Variants in KATNIP observed in about 807,000 individuals in gnomAD.
KATNIP encodes the protein katanin-interacting protein.
A neutral mutation model predicts 174.0 loss-of-function variants in KATNIP; 126 were observed. The observed-to-expected ratio is 0.72, with a 90% CI of 0.63 to 0.84. The LOEUF is 0.84. Ranked by LOEUF, KATNIP falls within the 40% of genes least tolerant of loss-of-function variation. The pLI is 0.00. For synonymous variants in KATNIP, 810 were observed against 835.7 expected, an observed-to-expected ratio of 0.97 and a Z score of 0.53; for missense variants, 1,958 against 2,109.7, an observed-to-expected ratio of 0.93 and a Z score of 1.41.
chr16:27,771,878 C>A (rs986187910), intron 22 of KATNIP, among the ~76,000 whole-genome samples: 4 of 152,172 alleles, frequency 2.6e-5, no homozygotes, highest in Non-Finnish European at 5.9e-5. Context: ...GGGGCAGCAC[C>A]CAGGACTCCA....
intron 1 of KATNIP, among the ~76,000 whole-genome samples, chr16:27,561,567 T>C (rs992268636): frequency 2.6e-5 from 4 of 152,116 alleles, no homozygotes; most frequent in Non-Finnish European, 5.9e-5. Context: ...AACATGTCCT[T>C]TGGGGAGAGG....
intron 2 of KATNIP, among the ~76,000 whole-genome samples, chr16:27,585,177 T>TG (rs1397582231): frequency 1.3e-5 from 2 of 152,148 alleles, no homozygotes; most frequent in Non-Finnish European, 2.9e-5. Flanking sequence ...TGCAATTAAC[T>TG]ACAGCCAGAT....
intron 6 of KATNIP, among the ~76,000 whole-genome samples, chr16:27,673,526 C>T (rs977018222): frequency 1.4e-4 from 21 of 152,276 alleles, no homozygotes; most frequent in African/African-American, 3.6e-4. Flanking sequence ...GTGGTGAACC[C>T]GCACTTGCTT....
At chr16:27,646,767 A>G (rs774881522) in intron 5 of KATNIP, among the ~76,000 whole-genome samples, 8 of 152,208 alleles carry the variant, frequency 5.3e-5, no homozygotes, top group Non-Finnish European at 1.2e-4. Context: ...AGTGGCTTCA[A>G]CAGCATGAAA....
Position 27,777,018 on chromosome 16 carries a change from A to G in KATNIP, c.4540A>G (p.Lys1514Glu). 1 of 1,608,906 alleles carries G rather than the reference A, an allele frequency of 6.2e-7. No individual in the cohort carries two copies. The highest frequency in any genetic ancestry group is 1.7e-5 in the Admixed American group (1 of 60,000). The change falls in exon 25 of 28, where the codon AAG (lysine) becomes GAG (glutamate). Residue 1514 changes from lysine (K) to glutamate (E), a missense_variant. Around this residue, in one of 3 missense-constraint regions of KATNIP, gnomAD observed 383 missense variants for 456.0 expected, o/e 0.84. Coordinates refer to ENST00000261588, the MANE Select transcript of KATNIP (RefSeq NM_015202.5). The surrounding 1 kb of genome is among the most constrained non-coding windows in gnomAD (Gnocchi z 4.4). ...TGCGAAAACACCCCATCGAGGGGTG[A>G]AGGAGTTTGGCGTAAGTACTTATTA... The part of the protein sequence containing the change: ...NYAKTPHRGV[K>E]EFGLLVDDLL...
intron 14 of KATNIP, 41 bp from the exon 15 acceptor site, chr16:27,740,000 G>A (rs1224450876): frequency 6.4e-7 from 1 of 1,570,968 alleles, no homozygotes; most frequent in Admixed American, 1.9e-5. Context: ...ACATCAGTCT[G>A]ATGCTATGCA....
At chr16:27,691,918 A>G (rs537384133) in intron 8 of KATNIP, among the ~76,000 whole-genome samples, 159 of 152,316 alleles carry the variant, frequency 1.0e-3, no homozygotes, top group African/African-American at 3.6e-3. Context: ...TGCAGCAGCC[A>G]AGGACAGATC....
Position 27,740,745 on chromosome 16 carries a change from C to T in KATNIP, c.2448C>T (p.Thr816=). The change falls in exon 15 of 28, where the codon ACC becomes ACT. Residue 816 remains threonine, a synonymous_variant. Transcript: ENST00000261588. The part of the protein sequence containing the change: ...KGLRHEPGWG[T]SRSVNTKERP... ...TACGGCATGAGCCAGGGTGGGGGAC[C>T]AGCCGGAGTGTCAACACCAAGGAGA... is the stretch of plus-strand genomic sequence containing the variant. 6.2e-7 allele frequency: 1 copy of T among 1,614,176 alleles called. No homozygotes were observed. The highest frequency in any genetic ancestry group is 8.5e-7 in the Non-Finnish European group (1 of 1,180,030).
At chr16:27,660,368 G>A (rs1024077465) in intron 6 of KATNIP, among the ~76,000 whole-genome samples, 1 of 152,186 alleles carries the variant, frequency 6.6e-6, no homozygotes, top group African/African-American at 2.4e-5. Flanking sequence ...GGCCAACATG[G>A]TGAAACCCCG....
intron 1 of KATNIP, among the ~76,000 whole-genome samples, chr16:27,558,056 CT>C (rs2089702879): frequency 6.6e-6 from 1 of 152,220 alleles, no homozygotes; most frequent in Non-Finnish European, 1.5e-5. Context: ...AGCATTTGTA[CT>C]TAGAATTCTA....
At chr16:27,584,186 T>C (rs1239547156) in intron 2 of KATNIP, among the ~76,000 whole-genome samples, 3 of 151,892 alleles carry the variant, frequency 2.0e-5, no homozygotes, top group South Asian at 2.1e-4. Context: ...TCCTCCTCCT[T>C]CTCCCCTTCT....
intron 2 of KATNIP, among the ~76,000 whole-genome samples, chr16:27,607,309 T>C (rs747961473): frequency 1.3e-5 from 2 of 152,166 alleles, no homozygotes; most frequent in African/African-American, 2.4e-5. Flanking sequence ...CTCTGAGACC[T>C]TCAGACAATT....
chr16:27,741,002 T>G, intron 15 of KATNIP, 82 bp downstream of exon 15: 1 of 1,335,096 alleles, frequency 7.5e-7, no homozygotes, highest in Non-Finnish European at 1.0e-6. Context: ...CTCCTGGACC[T>G]CAGTTTCCTT....
At chr16:27,636,987 G>T (rs1046326401) in intron 5 of KATNIP, among the ~76,000 whole-genome samples, 1 of 152,244 alleles carries the variant, frequency 6.6e-6, no homozygotes, top group Non-Finnish European at 1.5e-5. Context: ...CAAAGCCTTG[G>T]CTCCGCCTCC....
Position 27,779,333 on chromosome 16 carries a change from G to A in KATNIP, c.*704G>A, listed in dbSNP as rs1346240788. 1 of 152,498 alleles carries A rather than the reference G, an allele frequency of 6.6e-6. No homozygotes were observed. Among genetic ancestry groups the A allele is most frequent in the Non-Finnish European group, 1.5e-5 (1 of 68,276 alleles). The allele number at this position is 152,498 out of a possible 1,614,324, so 9.4% of individuals were successfully genotyped here. A position where few individuals can be genotyped will look rare whatever the true frequency, so the allele number is the denominator to read the frequency against. Reference sequence around the variant, plus strand: ...CCACCCGCCATCCACCTTGGCAAGAGCTGGGCCCACTCTGGCAGGCCAGGG... The same window carrying A: ...CCACCCGCCATCCACCTTGGCAAGAACTGGGCCCACTCTGGCAGGCCAGGG... On this transcript the variant is annotated 3_prime_UTR_variant, in exon 28 of 28. Coordinates refer to ENST00000261588, the MANE Select transcript of KATNIP (RefSeq NM_015202.5).
intron 23 of KATNIP, among the ~76,000 whole-genome samples, chr16:27,773,620 A>G (rs1195167273): frequency 6.6e-6 from 1 of 152,218 alleles, no homozygotes; most frequent in African/African-American, 2.4e-5. Flanking sequence ...TGCCCACACC[A>G]GAATTTGCAG....
In KATNIP at chr16:27,778,560, C is replaced by T; in HGVS notation, c.4802-14C>T. On this transcript the variant is annotated splice_polypyrimidine_tract_variant and intron_variant, in intron 27 of 27. Transcript: ENST00000261588. ...ACTTAGTAACTCTGGTCCCTCTGTT[C>T]CCTGTCATGACAGCCTTACGTCCCA... 4 of 1,613,244 alleles carry T rather than the reference C, an allele frequency of 2.5e-6. No individual in the cohort carries two copies. Among genetic ancestry groups the T allele is most frequent in the East Asian group, 2.2e-5 (1 of 44,822 alleles).
Position 27,564,109 on chromosome 16 carries a change from G to A in KATNIP, c.8-9792G>A, listed in dbSNP as rs148897673. ...GCCCAGGGGGAGTTGACGGGGCCTG[G>A]CTTGGAGAGCGGGATGATAGGAATG... On this transcript the variant is annotated intron_variant, in intron 1 of 27. Transcript: ENST00000261588. Among the ~76,000 whole-genome samples the A allele has an allele frequency of 2.9e-3, 437 of 152,108 alleles. 1 individual carries two copies. The highest frequency in any genetic ancestry group is 4.8e-3 in the Non-Finnish European group (324 of 67,982).
intron 18 of KATNIP, among the ~76,000 whole-genome samples, chr16:27,760,570 A>G (rs189234440): frequency 6.6e-6 from 1 of 152,268 alleles, no homozygotes; most frequent in African/African-American, 2.4e-5. Context: ...ATAGCAGCCA[A>G]TTTGCATAAA....
Sources: allele counts gnomAD v4.1 joint callset (sites outside exome capture counted in the v4.1 genomes callset), GRCh38; gene constraint gnomAD v4.1.1; regional missense constraint gnomAD v4.1.1; non-coding constraint Gnocchi (gnomAD v3.1); transcripts MANE v1.5; gene names NCBI Gene and HGNC (gene_info 2026-07-23, HGNC 2026-07-21).